Variants in LAGE3 observed in about 807,000 individuals in gnomAD.
LAGE3 encodes the protein L antigen family member 3, also known as EKC/KEOPS complex subunit LAGE3.
A neutral mutation model predicts 4.4 loss-of-function variants in LAGE3; 2 were observed. The observed-to-expected ratio is 0.46, with a 90% CI of 0.19 to 1.44. The LOEUF is 1.44. Among genes scored for constraint, LAGE3 ranks in the 40% most tolerant of loss-of-function variants. LAGE3 has a pLI of 0.26. For synonymous variants in LAGE3, 79 were observed against 60.0 expected (o/e 1.32, Z -1.47); for missense variants, 152 against 138.1 (o/e 1.10, Z -0.51).
chrX:154,478,507 T>G (rs1207280273), intron 1 of LAGE3, 96 bp from the exon 2 acceptor site: 1 of 1,056,235 alleles, frequency 9.5e-7, no homozygotes, highest in Non-Finnish European at 1.3e-6. Context: ...TCACCCTGCC[T>G]AGTGTCACCC....
intron 1 of LAGE3, 112 bp from the exon 2 acceptor site, chrX:154,478,523 A>T: frequency 1.0e-6 from 1 of 994,400 alleles, no homozygotes. Flanking sequence ...CACCCCCTTC[A>T]CTCCTTACCT....
intron 2 of LAGE3, 82 bp downstream of exon 2, chrX:154,478,201 G>T: frequency 3.4e-6 from 4 of 1,161,020 alleles, no homozygotes; most frequent in Non-Finnish European, 3.5e-6. Flanking sequence ...CAGCGCACCT[G>T]GCGCTCCTTA....
chrX:154,478,481 G>A, intron 1 of LAGE3, 70 bp from the exon 2 acceptor site: 1 of 1,120,079 alleles, frequency 8.9e-7, no homozygotes, highest in Non-Finnish European at 1.2e-6. Context: ...TTGCTCCTCT[G>A]AAGCCCCCTC....
Position 154,477,931 on chromosome X carries a change from G to GC in LAGE3, c.*12dup, listed in dbSNP as rs782490629. On this transcript the variant is annotated 3_prime_UTR_variant, in exon 3 of 3. Transcript: ENST00000357360. ...CGCAAAGTGGGACCTCGCTCCATTT[G>GC]CCCAGGCCAGGCTTAGCGGGAAACG... 4.2e-6 allele frequency: 5 copies of GC among 1,196,554 alleles called. No individual in the cohort carries two copies. The East Asian group carries it at 1.5e-4, about 35-fold the overall frequency.
In LAGE3 at chrX:154,478,823, TGCGGCTGTGTCCACGCCCCCGCG is replaced by T. The variant is rs781937032; in HGVS notation, c.70_92del (p.Arg24SerfsTer80). The T allele has an allele frequency of 4.5e-6, 5 of 1,112,010 alleles. No homozygotes were observed. The highest frequency in any genetic ancestry group is 5.9e-6 in the Non-Finnish European group (5 of 853,186). 91.6% of individuals were successfully genotyped at this position (1,112,010 alleles called of 1,213,427 possible). On this transcript the variant is annotated frameshift_variant, in exon 1 of 3. Coordinates refer to ENST00000357360, the MANE Select transcript of LAGE3 (RefSeq NM_006014.5). LOFTEE classifies it high-confidence loss of function. ...CTGGGGGAGCTCCACCGGCCGGAGC[TGCGGCTGTGTCCACGCCCCCGCG>T]GCAGCTGTGGCCACCCCGGCCATCC...
Position 154,478,968 on chromosome X carries a change from C to A in LAGE3, c.-53G>T. On this transcript the variant is annotated 5_prime_UTR_variant, in exon 1 of 3. Coordinates refer to ENST00000357360, the MANE Select transcript of LAGE3 (RefSeq NM_006014.5). ...CCCCCGAAGCGCAGGTCCTACGCCC[C>A]GCCCTCTCTGTGGCTCCTTCCCGAA... 1.6e-6 allele frequency: 1 copy of A among 640,105 alleles called. No individual in the cohort carries two copies. The highest frequency in any genetic ancestry group is 2.1e-6 in the Non-Finnish European group (1 of 471,958). The allele number at this position is 640,105 out of a possible 1,213,427, so 52.8% of individuals were successfully genotyped here.
In LAGE3 at chrX:154,478,026, C is replaced by T. The variant is rs146248216; in HGVS notation, c.350G>A (p.Arg117Gln). ...GTCAAGAAAGTTGATGACGGAAATT[C>T]GGAGCAGGCGACAGTCTTCAGCTTT... is the stretch of plus-strand genomic sequence containing the variant. ...RWKAEDCRLL[R>Q]ISVINFLDQL... The change falls in exon 3 of 3, where the codon CGA (arginine) becomes CAA (glutamine). Residue 117 changes from arginine to glutamine, a missense_variant. Transcript: ENST00000357360. 2 of 1,210,479 alleles carry T rather than the reference C, an allele frequency of 1.7e-6. No individual in the cohort carries two copies. Among genetic ancestry groups the T allele is most frequent in the Non-Finnish European group, 2.2e-6 (2 of 894,975 alleles).
At position 154,477,921 on chromosome X, in the gene LAGE3, C is replaced by T. The variant is rs782641755; in HGVS notation, c.*23G>A. ...TACAAGGAGACGCAAAGTGGGACCTCGCTCCATTTGCCCAGGCCAGGCTTA... is the reference window on the plus strand; with the variant it reads ...TACAAGGAGACGCAAAGTGGGACCTTGCTCCATTTGCCCAGGCCAGGCTTA... On this transcript the variant is annotated 3_prime_UTR_variant, in exon 3 of 3. Transcript: ENST00000357360. The T allele has an allele frequency of 4.3e-6, 5 of 1,172,767 alleles. No homozygotes were observed. In the African/African-American group the frequency reaches 5.3e-5, roughly 12 times the overall value.
chrX:154,478,698 C>T, intron 1 of LAGE3, 30 bp downstream of exon 1: 4 of 1,075,516 alleles, frequency 3.7e-6, no homozygotes, highest in Non-Finnish European at 2.4e-6. Context: ...CTCGCTCCGC[C>T]GCAAGCAGCC....
intron 1 of LAGE3, 77 bp downstream of exon 1, chrX:154,478,651 C>T: frequency 2.2e-6 from 2 of 918,336 alleles, no homozygotes; most frequent in Non-Finnish European, 2.8e-6. Flanking sequence ...CCGTCGGCCC[C>T]CCGCCCGCCC....
chrX:154,478,838 G>GC lies in LAGE3; in HGVS notation c.77dup (p.Val27ArgfsTer85). On this transcript the variant is annotated frameshift_variant, in exon 1 of 3. Coordinates refer to ENST00000357360, the MANE Select transcript of LAGE3 (RefSeq NM_006014.5). LOFTEE classifies it high-confidence loss of function. ...CGGCCGGAGCTGCGGCTGTGTCCACGCCCCCGCGGCAGCTGTGGCCACCCC... is the reference window on the plus strand; with the variant it reads ...CGGCCGGAGCTGCGGCTGTGTCCACGCCCCCCGCGGCAGCTGTGGCCACCCC... 9.4e-7 allele frequency: 1 copy of GC among 1,065,874 alleles called. No individual in the cohort carries two copies. The highest frequency in any genetic ancestry group is 3.8e-5 in the Admixed American group (1 of 26,166). 87.8% of individuals were successfully genotyped at this position (1,065,874 alleles called of 1,213,427 possible).
chrX:154,477,844 G>A lies in LAGE3; in HGVS notation c.*100C>T, dbSNP rs1297524026. On this transcript the variant is annotated 3_prime_UTR_variant, in exon 3 of 3. Coordinates refer to ENST00000357360, the MANE Select transcript of LAGE3 (RefSeq NM_006014.5). ...CAGATAAAACATGAGGCCCTCCCAG[G>A]AAAGTAGCAACTGTGGGAATTCCTG... 6.6e-6 allele frequency: 4 copies of A among 604,803 alleles called. No homozygotes were observed. In the African/African-American group the frequency reaches 6.8e-5, roughly 10 times the overall value. 49.8% of individuals were successfully genotyped at this position (604,803 alleles called of 1,213,427 possible). A position where few individuals can be genotyped will look rare whatever the true frequency, so the allele number is the denominator to read the frequency against.
chrX:154,478,734 T>C lies in LAGE3; in HGVS notation c.182A>G (p.His61Arg). 8 of 1,093,922 alleles carry C rather than the reference T, an allele frequency of 7.3e-6. No individual in the cohort carries two copies. Among genetic ancestry groups the C allele is most frequent in the Non-Finnish European group, 9.4e-6 (8 of 847,266 alleles). 90.2% of individuals were successfully genotyped at this position (1,093,922 alleles called of 1,213,427 possible). The change falls in exon 1 of 3, where the codon CAC becomes CGC. Residue 61 changes from histidine (H) to arginine (R), a missense_variant. Physicochemically the swap from His to Arg is conservative, Grantham distance 29. Coordinates refer to ENST00000357360, the MANE Select transcript of LAGE3 (RefSeq NM_006014.5). ...CCCAGCTCGGAAAGGATACAATATG[T>C]GCGGCCGCATTCGTGACCCCCTGGC... ...SAARGSRMRP[H>R]IFTLSVPFPT...
Position 154,479,152 on chromosome X carries a change from C to T in LAGE3, c.-237G>A, listed in dbSNP as rs1208621514. On this transcript the variant is annotated 5_prime_UTR_variant, in exon 1 of 3. Transcript: ENST00000357360. ...TGCGGTTTCCTCCAGAAACTCTGCC[C>T]TTTCGCGCGTAACTCGATTCCAGAG... The T allele has an allele frequency of 3.5e-6, 1 of 286,193 alleles. No individual in the cohort carries two copies. The highest frequency in any genetic ancestry group is 6.1e-6 in the Non-Finnish European group (1 of 162,984). 23.6% of individuals were successfully genotyped at this position (286,193 alleles called of 1,213,427 possible).
Sources: allele counts gnomAD v4.1 joint callset, GRCh38; gene constraint gnomAD v4.1.1; transcripts MANE v1.5; gene names NCBI Gene and HGNC (gene_info 2026-07-23, HGNC 2026-07-21).